The following KBTBD2 variants were observed in gnomAD, a reference collection of about 807,000 sequenced individuals.
The protein encoded by KBTBD2 is kelch repeat and BTB domain containing 2, also known as kelch repeat and BTB domain-containing protein 2.
KBTBD2 carries 17 observed loss-of-function variants against 57.1 expected under a neutral mutation model. The ratio of observed to expected loss-of-function variants is 0.30; its 90% CI spans 0.20 to 0.45. The LOEUF is 0.45. Among genes scored for constraint, KBTBD2 ranks in the 20% least tolerant of loss-of-function variants. KBTBD2 has a pLI of 1.00. For missense variants in KBTBD2, 515 were observed against 750.6 expected (o/e 0.69, Z 3.67); for synonymous variants, 267 against 262.7 (o/e 1.02, Z -0.16).
rs1784749328 is a variant in KBTBD2, at chr7:32,891,651, TCTCGC to T, written c.-459_-455del. 2 of 145,292 alleles carry T rather than the reference TCTCGC, an allele frequency of 1.4e-5. No homozygotes were observed. Among genetic ancestry groups the T allele is most frequent in the South Asian group, 4.8e-4 (2 of 4,170 alleles). 9.0% of individuals were successfully genotyped at this position (145,292 alleles called of 1,614,324 possible). A position where few individuals can be genotyped will look rare whatever the true frequency, so the allele number is the denominator to read the frequency against. ...CCTCCCGCCGCGGCCTCGCCTGGGG[TCTCGC>T]CTCCGCCTCCGGCCGAGGAAGGCTG... On this transcript the variant is annotated 5_prime_UTR_variant, in exon 1 of 4. Coordinates refer to ENST00000304056, the MANE Select transcript of KBTBD2 (RefSeq NM_015483.3).
At chr7:32,874,216 CGGT>C (rs1784252457) in intron 3 of KBTBD2, among the ~76,000 whole-genome samples, 1 of 151,544 alleles carries the variant, frequency 6.6e-6, no homozygotes, top group African/African-American at 2.4e-5. Flanking sequence ...TGGCTAACAA[CGGT>C]GAAACCCCAT....
At chr7:32,886,777 T>G (rs189982985) in intron 1 of KBTBD2, among the ~76,000 whole-genome samples, 1 of 152,260 alleles carries the variant, frequency 6.6e-6, no homozygotes, top group East Asian at 1.9e-4. Flanking sequence ...CAAAGAAAAT[T>G]TACAAAGTAA....
At chr7:32,875,894 G>A (rs1299057571) in intron 2 of KBTBD2, among the ~76,000 whole-genome samples, 2 of 152,004 alleles carry the variant, frequency 1.3e-5, no homozygotes, top group African/African-American at 2.4e-5. Context: ...GTAAGAATGG[G>A]GTCTGTGACT....
rs1784281819 is a variant in KBTBD2, at chr7:32,875,172, A to T, written c.171-15T>A. 6.2e-7 allele frequency: 1 copy of T among 1,610,144 alleles called. No homozygotes were observed. The highest frequency in any genetic ancestry group is 1.3e-5 in the African/African-American group (1 of 74,722). On this transcript the variant is annotated splice_polypyrimidine_tract_variant and intron_variant, in intron 2 of 3. Coordinates refer to ENST00000304056, the MANE Select transcript of KBTBD2 (RefSeq NM_015483.3). ...TAAACATGGCCCTACAGGGGAGATG[A>T]AGAAAACAAAGTTGTAAGGGTTTTG...
intron 3 of KBTBD2, among the ~76,000 whole-genome samples, chr7:32,874,281 T>C (rs1784254335): frequency 6.6e-6 from 1 of 151,942 alleles, no homozygotes; most frequent in African/African-American, 2.4e-5. Flanking sequence ...GCACCTGTAG[T>C]CCCAGCTACT....
At position 32,868,902 on chromosome 7, in the gene KBTBD2, G is replaced by C. The variant is rs1262968469; in HGVS notation, c.*443C>G. The C allele has an allele frequency of 6.3e-6, 1 of 158,916 alleles. No individual in the cohort carries two copies. Among genetic ancestry groups the C allele is most frequent in the Non-Finnish European group, 1.4e-5 (1 of 71,522 alleles). 9.8% of individuals were successfully genotyped at this position (158,916 alleles called of 1,614,324 possible). ...ATACCAACACGGACATTAGTGTTAA[G>C]TGCAGTTGAATTAATTACACTGAAA... On this transcript the variant is annotated 3_prime_UTR_variant, in exon 4 of 4. Transcript: ENST00000304056.
intron 3 of KBTBD2, among the ~76,000 whole-genome samples, chr7:32,873,348 T>C (rs1273657257): frequency 5.3e-5 from 4 of 74,846 alleles, no homozygotes; most frequent in African/African-American, 2.2e-4. Flanking sequence ...CTGTGAAAAA[T>C]AGTACCATGA....
At chr7:32,887,136 A>G (rs1342700045) in intron 1 of KBTBD2, among the ~76,000 whole-genome samples, 5 of 152,212 alleles carry the variant, frequency 3.3e-5, no homozygotes, top group Non-Finnish European at 5.9e-5. Context: ...AGGAACGAAT[A>G]AAGGATTAAA....
At chr7:32,880,158 C>T (rs748166293) in intron 1 of KBTBD2, among the ~76,000 whole-genome samples, 4 of 152,024 alleles carry the variant, frequency 2.6e-5, no homozygotes, top group Middle Eastern at 3.2e-3. Context: ...TTAACTTTTG[C>T]CTTCTATACA....
At chr7:32,884,722 T>C (rs190790203) in intron 1 of KBTBD2, among the ~76,000 whole-genome samples, 360 of 151,552 alleles carry the variant, frequency 2.4e-3, no homozygotes, top group Non-Finnish European at 3.9e-3. Context: ...GTAATAATAA[T>C]AAAACTTCAA....
intron 1 of KBTBD2, among the ~76,000 whole-genome samples, chr7:32,889,246 G>T (rs1048288076): frequency 6.6e-6 from 1 of 151,388 alleles, no homozygotes; most frequent in Non-Finnish European, 1.5e-5. Context: ...AGCCAAGATC[G>T]CGCCACCGCA....
Position 32,869,361 on chromosome 7 carries a change from G to GCAA in KBTBD2, c.1853_1855dup (p.Val618dup). The stretch of plus-strand genomic sequence containing the variant: ...ACTTCCCCACTATACAGGTGGTAGT[G>GCAA]CAACCATTTCTCCATCCAGTTCAAA... On this transcript the variant is annotated inframe_insertion, in exon 4 of 4. Transcript: ENST00000304056. 6.2e-7 allele frequency: 1 copy of GCAA among 1,610,104 alleles called. No homozygotes were observed. The highest frequency in any genetic ancestry group is 8.5e-7 in the Non-Finnish European group (1 of 1,177,590).
intron 1 of KBTBD2, among the ~76,000 whole-genome samples, chr7:32,887,529 T>C (rs1583792937): frequency 6.6e-6 from 1 of 152,160 alleles, no homozygotes; most frequent in Admixed American, 6.5e-5. Flanking sequence ...AAAAATAAAA[T>C]AAATTATATA....
At position 32,868,395 on chromosome 7, in the gene KBTBD2, T is replaced by C. The variant is rs970853319; in HGVS notation, c.*950A>G. On this transcript the variant is annotated 3_prime_UTR_variant, in exon 4 of 4. Transcript: ENST00000304056. Reference sequence around the variant, plus strand: ...CAGAGAATTCCTGAACAGTTCACCTTACTAATCCTAACCCCCACACGCACA... The same window carrying C: ...CAGAGAATTCCTGAACAGTTCACCTCACTAATCCTAACCCCCACACGCACA... 8 of 152,634 alleles carry C rather than the reference T, an allele frequency of 5.2e-5. No homozygotes were observed. In the East Asian group the frequency reaches 1.5e-3, roughly 30 times the overall value. 9.5% of individuals were successfully genotyped at this position (152,634 alleles called of 1,614,324 possible).
In KBTBD2 at chr7:32,891,373, C is replaced by T. The variant is rs1583799156; in HGVS notation, c.-339+163G>A. On this transcript the variant is annotated intron_variant, in intron 1 of 3. Transcript: ENST00000304056. ...GCCGGCCGCCCGCGCCCCTCCCCCG[C>T]CCGCGGCGGAAGCGTCTCGGGTTTG... 3.4e-5 allele frequency among the ~76,000 whole-genome samples: 5 copies of T among 149,196 alleles called. No individual in the cohort carries two copies. The South Asian group carries it at 1.0e-3, about 31-fold the overall frequency.
Position 32,879,593 on chromosome 7 carries a change from T to C in KBTBD2, c.12A>G (p.Gln4=). Residue 4 remains glutamine, a synonymous_variant, in exon 2 of 4, where the codon CAA becomes CAG. Coordinates refer to ENST00000304056, the MANE Select transcript of KBTBD2 (RefSeq NM_015483.3). ...ATTCAGTATTGATCTGCCTCTCGTCTTGAGTGGACATGACTGTATTCCATT... is the reference window on the plus strand; with the variant it reads ...ATTCAGTATTGATCTGCCTCTCGTCCTGAGTGGACATGACTGTATTCCATT... MST[Q]DERQINTEYA... 1 of 1,613,070 alleles carries C rather than the reference T, an allele frequency of 6.2e-7. No individual in the cohort carries two copies. The highest frequency in any genetic ancestry group is 8.5e-7 in the Non-Finnish European group (1 of 1,179,522).
rs925867442 is a variant in KBTBD2 at position 32,879,649 on chromosome 7, G to A, written c.-45C>T. 7 of 1,521,270 alleles carry A rather than the reference G, an allele frequency of 4.6e-6. No homozygotes were observed. The highest frequency in any genetic ancestry group is 2.7e-5 in the African/African-American group (2 of 72,866). 94.2% of individuals were successfully genotyped at this position (1,521,270 alleles called of 1,614,324 possible). On this transcript the variant is annotated 5_prime_UTR_variant, in exon 2 of 4. It adds an upstream start codon to the 5' untranslated region. Transcript: ENST00000304056. ...CTCCAGGAACAGATTAGAAAAGTCCGTCTTACTGATGGAAGGTCAAGTGAA... is the reference window on the plus strand; with the variant it reads ...CTCCAGGAACAGATTAGAAAAGTCCATCTTACTGATGGAAGGTCAAGTGAA...
Position 32,868,374 on chromosome 7 carries a change from G to A in KBTBD2, c.*971C>T, listed in dbSNP as rs990785873. On this transcript the variant is annotated 3_prime_UTR_variant, in exon 4 of 4. Transcript: ENST00000304056. Reference sequence around the variant, plus strand: ...TGCTCTTCTGCACAGCTAGTGCAGAGAATTCCTGAACAGTTCACCTTACTA... The same window carrying A: ...TGCTCTTCTGCACAGCTAGTGCAGAAAATTCCTGAACAGTTCACCTTACTA... 1 of 152,514 alleles carries A rather than the reference G, an allele frequency of 6.6e-6. No homozygotes were observed. Among genetic ancestry groups the A allele is most frequent in the Non-Finnish European group, 1.5e-5 (1 of 68,034 alleles). 9.4% of individuals were successfully genotyped at this position (152,514 alleles called of 1,614,324 possible).
chr7:32,885,565 T>C (rs994558596), intron 1 of KBTBD2, among the ~76,000 whole-genome samples: 1 of 151,990 alleles, frequency 6.6e-6, no homozygotes, highest in Admixed American at 6.6e-5. Context: ...TTAAATTACT[T>C]TGGGAAATCC....
Sources: allele counts gnomAD v4.1 joint callset (sites outside exome capture counted in the v4.1 genomes callset), GRCh38; gene constraint gnomAD v4.1.1; transcripts MANE v1.5; gene names NCBI Gene and HGNC (gene_info 2026-07-23, HGNC 2026-07-21).